Variants in SCN3A observed in about 807,000 individuals in gnomAD.
The protein encoded by SCN3A is sodium channel protein type 3 subunit alpha.
In SCN3A, 60 loss-of-function variants were observed where a neutral mutation model predicts 187.6. The observed-to-expected ratio is 0.32, with a 90% CI of 0.26 to 0.40. The LOEUF is 0.40. Ranked by LOEUF, SCN3A falls within the 10% of genes least tolerant of loss-of-function variation. The pLI, the probability that SCN3A is intolerant of heterozygous loss-of-function variation, is 1.00. For synonymous variants in SCN3A, 788 were observed against 829.2 expected, an observed-to-expected ratio of 0.95 and a Z score of 0.85; for missense variants, 1,601 against 2,428.2, an observed-to-expected ratio of 0.66 and a Z score of 7.16.
At chr2:165,159,244 C>T (rs932508340) in intron 9 of SCN3A, among the ~76,000 whole-genome samples, 1 of 138,214 alleles carries the variant, frequency 7.2e-6, no homozygotes, top group Non-Finnish European at 1.5e-5. Context: ...ACTATATACT[C>T]GTGTGGGGTA....
intron 18 of SCN3A, among the ~76,000 whole-genome samples, chr2:165,121,495 A>T (rs551497167): frequency 2.6e-5 from 4 of 152,346 alleles, no homozygotes; most frequent in South Asian, 2.1e-4. Context: ...TTCTAAATCT[A>T]AAAATTTGGT....
intron 25 of SCN3A, among the ~76,000 whole-genome samples, 173 bp from the exon 26 acceptor site, chr2:165,094,651 C>CA (rs1685276404): frequency 1.3e-5 from 2 of 152,128 alleles, no homozygotes; most frequent in Middle Eastern, 6.3e-3. Context: ...TAATATTATG[C>CA]AAAATCCTTA....
rs1439134941 is a variant in SCN3A at position 165,087,978 on chromosome 2, G to A, written c.*2172C>T. ...GCTGCTTTTAATTTGCCTTTGTTCT[G>A]TAGTACTGCTTGGTGAATCATGCAC... On this transcript the variant is annotated 3_prime_UTR_variant, in exon 28 of 28. Coordinates refer to ENST00000283254, the MANE Select transcript of SCN3A (RefSeq NM_006922.4). The A allele has an allele frequency of 6.6e-6, 1 of 152,110 alleles. No individual in the cohort carries two copies. Among genetic ancestry groups the A allele is most frequent in the Admixed American group, 6.5e-5 (1 of 15,270 alleles). 9.4% of individuals were successfully genotyped at this position (152,110 alleles called of 1,614,324 possible). A position where few individuals can be genotyped will look rare whatever the true frequency, so the allele number is the denominator to read the frequency against.
At chr2:165,125,467 C>G (rs1033499537) in intron 18 of SCN3A, among the ~76,000 whole-genome samples, 2 of 152,014 alleles carry the variant, frequency 1.3e-5, no homozygotes, top group African/African-American at 2.4e-5. Context: ...CCGCACCCAG[C>G]GAATTTTTTT....
chr2:165,100,264 A>G (rs1195043980), intron 22 of SCN3A, 38 bp downstream of exon 22: 1 of 1,606,750 alleles, frequency 6.2e-7, no homozygotes. Flanking sequence ...CCTACATGTA[A>G]TTTTGACATG....
In SCN3A at chr2:165,100,328, C is replaced by T; in HGVS notation, c.3940G>A (p.Ala1314Thr). ...RTLRALRPLR[A>T]LSRFEGMRVV... ...CTCATGCCTTCAAACCGGGATAAGG[C>T]TCTTAGAGGTCTTAAAGCTCTTAAT... The change falls in exon 22 of 28, where the codon GCC (alanine) becomes ACC (threonine). Residue 1314 changes from alanine (A) to threonine (T), a missense_variant. By Grantham distance (58) the Ala-to-Thr change is moderately conservative (BLOSUM62 0). Around this residue, in one of 11 missense-constraint regions of SCN3A, gnomAD observed 320 missense variants for 623.2 expected, o/e 0.51. Transcript: ENST00000283254. 1.2e-6 allele frequency: 2 copies of T among 1,613,810 alleles called. No individual in the cohort carries two copies. Among genetic ancestry groups the T allele is most frequent in the Non-Finnish European group, 1.7e-6 (2 of 1,179,864 alleles).
intron 13 of SCN3A, 83 bp from the exon 14 acceptor site, chr2:165,139,691 C>G: frequency 1.3e-6 from 2 of 1,534,566 alleles, no homozygotes; most frequent in South Asian, 2.2e-5. Context: ...GCAAATCATG[C>G]TACATGCAAT....
Position 165,164,139 on chromosome 2 carries a change from T to C in SCN3A, c.602+253A>G, listed in dbSNP as rs7556825. ...TCCAAGTACAGTTGTTGCTATTAAA[T>C]TGTAGTCAATGAATAACTTCATTTT... On this transcript the variant is annotated intron_variant, in intron 6 of 27. Coordinates refer to ENST00000283254, the MANE Select transcript of SCN3A (RefSeq NM_006922.4). Among the ~76,000 whole-genome samples the C allele has an allele frequency of 0.23, 34,378 of 152,092 alleles. 5,084 individuals carry two copies. Among genetic ancestry groups the C allele is most frequent in the East Asian group, 0.52 (2,697 of 5,174 alleles).
chr2:165,194,410 C>A (rs1328942530), intron 1 of SCN3A, among the ~76,000 whole-genome samples: 2 of 152,110 alleles, frequency 1.3e-5, no homozygotes, highest in African/African-American at 4.8e-5. Context: ...TACCCTTATA[C>A]CCTGAACGTG....
chr2:165,130,375 T>G (rs1052959721), intron 16 of SCN3A, 79 bp from the exon 17 acceptor site: 2 of 1,467,232 alleles, frequency 1.4e-6, no homozygotes, highest in Admixed American at 3.5e-5. Context: ...TGTGGTATCA[T>G]AGAACCACAC....
rs554431482 is a variant in SCN3A, at chr2:165,096,450, A to G, written c.4293+17T>C. The stretch of plus-strand genomic sequence containing the variant: ...AAGAAATCTAGAACCTATAAATAAT[A>G]TTTGAGTGATACTTACATCTCGTGA... On this transcript the variant is annotated intron_variant, in intron 24 of 27. Coordinates refer to ENST00000283254, the MANE Select transcript of SCN3A (RefSeq NM_006922.4). The G allele has an allele frequency of 1.2e-5, 19 of 1,597,750 alleles. No homozygotes were observed. The East Asian group carries it at 4.3e-4, about 36-fold the overall frequency.
intron 21 of SCN3A, among the ~76,000 whole-genome samples, chr2:165,106,918 T>A (rs951877764): frequency 6.6e-6 from 1 of 152,168 alleles, no homozygotes; most frequent in Non-Finnish European, 1.5e-5. Flanking sequence ...GTTGATGTGC[T>A]GAAGAGGAGG....
At chr2:165,109,800 G>A (rs1686030720) in intron 21 of SCN3A, among the ~76,000 whole-genome samples, 1 of 152,142 alleles carries the variant, frequency 6.6e-6, no homozygotes, top group African/African-American at 2.4e-5. Flanking sequence ...ATTACATAAT[G>A]TTAACATATA....
chr2:165,129,838 G>C (rs528378419), intron 17 of SCN3A, 102 bp downstream of exon 17: 1 of 1,432,102 alleles, frequency 7.0e-7, no homozygotes, highest in South Asian at 1.2e-5. Flanking sequence ...TTCAGTCTAG[G>C]CCACTTACTA....
At chr2:165,160,417 T>A (rs926021325) in intron 9 of SCN3A, among the ~76,000 whole-genome samples, 2 of 152,160 alleles carry the variant, frequency 1.3e-5, no homozygotes, top group African/African-American at 4.8e-5. Flanking sequence ...AAACAGTCCC[T>A]GGTGCCAAAA....
At chr2:165,164,698 T>TTACCG (rs1282360650) in intron 5 of SCN3A, among the ~76,000 whole-genome samples, 178 bp from the exon 6 acceptor site, 1 of 152,066 alleles carries the variant, frequency 6.6e-6, no homozygotes, top group Non-Finnish European at 1.5e-5. Context: ...GAGCAAAGAG[T>TTACCG]TAAACTGAAG....
rs2105614584 is a variant in SCN3A at position 165,090,093 on chromosome 2, T to C, written c.*57A>G. ...CCTCTTGAAGTCCAGTTGACACATATACTTTACCTTCATAGGCTGTAAACA... is the reference window on the plus strand; with the variant it reads ...CCTCTTGAAGTCCAGTTGACACATACACTTTACCTTCATAGGCTGTAAACA... On this transcript the variant is annotated 3_prime_UTR_variant, in exon 28 of 28. Coordinates refer to ENST00000283254, the MANE Select transcript of SCN3A (RefSeq NM_006922.4). This position sits in a 1 kb window ranked among gnomAD's most constrained non-coding sequence, Gnocchi z 4.0. 5 of 1,546,808 alleles carry C rather than the reference T, an allele frequency of 3.2e-6. No homozygotes were observed. The highest frequency in any genetic ancestry group is 2.3e-4 in the Middle Eastern group (1 of 4,408).
intron 17 of SCN3A, among the ~76,000 whole-genome samples, chr2:165,129,021 A>G (rs957356629): frequency 6.6e-6 from 1 of 152,232 alleles, no homozygotes; most frequent in African/African-American, 2.4e-5. Context: ...CATGCAAGGC[A>G]AAAGCCCCAG....
At chr2:165,149,815 G>C (rs1178642548) in intron 11 of SCN3A, among the ~76,000 whole-genome samples, 1 of 152,034 alleles carries the variant, frequency 6.6e-6, no homozygotes, top group Non-Finnish European at 1.5e-5. Flanking sequence ...TATTTACTCA[G>C]GAAATTACAT....
Sources: allele counts gnomAD v4.1 joint callset (sites outside exome capture counted in the v4.1 genomes callset), GRCh38; gene constraint gnomAD v4.1.1; regional missense constraint gnomAD v4.1.1; non-coding constraint Gnocchi (gnomAD v3.1); transcripts MANE v1.5; gene names NCBI Gene and HGNC (gene_info 2026-07-23, HGNC 2026-07-21).